The following CEP128 variants were observed in gnomAD, a reference collection of about 807,000 sequenced individuals.
CEP128 encodes centrosomal protein 128kDa.
A neutral mutation model predicts 156.7 loss-of-function variants in CEP128; 132 were observed. The observed-to-expected ratio is 0.84, with a 90% confidence interval of 0.73 to 0.97. The LOEUF is 0.97. Ranked by LOEUF, CEP128 falls within the 50% of genes least tolerant of loss-of-function variation. The pLI, the probability that CEP128 is intolerant of heterozygous loss-of-function variation, is 0.00. For missense variants in CEP128, 1,252 were observed against 1,281.9 expected (o/e 0.98, Z 0.36); for synonymous variants, 469 against 448.9 (o/e 1.04, Z -0.57).
intron 21 of CEP128, among the ~76,000 whole-genome samples, chr14:80,542,716 C>T (rs1448219820): frequency 6.6e-6 from 1 of 152,066 alleles, no homozygotes; most frequent in African/African-American, 2.4e-5. Context: ...TAATCATTTC[C>T]CTGAATCCTG....
chr14:80,806,778 T>G (rs566400826), intron 13 of CEP128, among the ~76,000 whole-genome samples: 12 of 139,068 alleles, frequency 8.6e-5, no homozygotes, highest in African/African-American at 3.2e-4. Flanking sequence ...CAGAGAAGAC[T>G]AAGAGAAATT....
At chr14:80,548,440 G>A (rs1199343436) in intron 21 of CEP128, among the ~76,000 whole-genome samples, 1 of 152,110 alleles carries the variant, frequency 6.6e-6, no homozygotes, top group Non-Finnish European at 1.5e-5. Context: ...TATTGTGAGT[G>A]TAATACGAAT....
chr14:80,707,835 CCT>C (rs1041420186), intron 19 of CEP128, among the ~76,000 whole-genome samples: 31 of 152,158 alleles, frequency 2.0e-4, no homozygotes, highest in African/African-American at 7.5e-4. Context: ...TTTTTGCAAT[CCT>C]TTTTGTCATT....
At chr14:80,686,189 A>C (rs1394501331) in intron 19 of CEP128, among the ~76,000 whole-genome samples, 1 of 152,060 alleles carries the variant, frequency 6.6e-6, no homozygotes, top group Non-Finnish European at 1.5e-5. Flanking sequence ...AGATATTTGC[A>C]AACTATGCAT....
intron 19 of CEP128, among the ~76,000 whole-genome samples, chr14:80,690,628 T>C (rs962905903): frequency 6.6e-6 from 1 of 152,186 alleles, no homozygotes; most frequent in Non-Finnish European, 1.5e-5. Flanking sequence ...TTTTCATATG[T>C]ATGAAATTTC....
chr14:80,542,039 G>T (rs972932689), intron 21 of CEP128, among the ~76,000 whole-genome samples: 1 of 152,138 alleles, frequency 6.6e-6, no homozygotes, highest in Non-Finnish European at 1.5e-5. Context: ...CTTGGCATGC[G>T]GTAAGCACTC....
At chr14:80,562,655 C>CTT (rs1170778718) in intron 20 of CEP128, among the ~76,000 whole-genome samples, 1,704 of 114,324 alleles carry the variant, frequency 0.015, 16 homozygotes, top group Non-Finnish European at 0.017. Flanking sequence ...CTTTTCTTTT[C>CTT]TTTTTTTTTT....
chr14:80,629,480 A>G (rs1893872867), intron 19 of CEP128, among the ~76,000 whole-genome samples: 1 of 152,134 alleles, frequency 6.6e-6, no homozygotes, highest in Non-Finnish European at 1.5e-5. Flanking sequence ...CTCAAATTCA[A>G]AAGTTAAAAG....
intron 13 of CEP128, 94 bp downstream of exon 13, chr14:80,831,049 T>C: frequency 8.8e-7 from 1 of 1,132,666 alleles, no homozygotes; most frequent in African/African-American, 1.5e-5. Flanking sequence ...CTGGAGTTCA[T>C]AAAATAACAC....
At chr14:80,942,573 G>A (rs182784199), upstream of CEP128, among the ~76,000 whole-genome samples, 54 of 152,224 alleles carry the variant, frequency 3.5e-4, no homozygotes, top group Non-Finnish European at 7.1e-4. Context: ...AATATTACCT[G>A]ATCTGTGAAA....
chr14:80,632,906 T>C (rs1319480723), intron 19 of CEP128, among the ~76,000 whole-genome samples: 3 of 152,130 alleles, frequency 2.0e-5, no homozygotes, highest in African/African-American at 4.8e-5. Context: ...AGGGCTATTG[T>C]TTTAGTGCTC....
rs771394994 is a variant in CEP128, at chr14:80,785,083, T to C, written c.2023A>G (p.Arg675Gly). ...ATGATTGTAGCTGTTTCTTCATCCC[T>C]GGATTTTGCCTGTGCAGTGAGGTCA... ...LSDLTAQAKSRDEETATIITQ... is the reference protein window; with the variant it reads ...LSDLTAQAKSGDEETATIITQ... The change falls in exon 15 of 25, where the codon AGG becomes GGG. Residue 675 changes from arginine to glycine, a missense_variant. Arg to Gly is a moderately radical substitution (Grantham distance 125). Coordinates refer to ENST00000555265, the MANE Select transcript of CEP128 (RefSeq NM_152446.5). The C allele has an allele frequency of 1.5e-5, 24 of 1,613,950 alleles. No homozygotes were observed. Among genetic ancestry groups the C allele is most frequent in the Non-Finnish European group, 1.4e-5 (16 of 1,179,864 alleles).
chr14:80,520,441 C>CAAAA (rs35203701), intron 23 of CEP128, among the ~76,000 whole-genome samples: 110,534 of 151,082 alleles, frequency 0.73, 42,797 homozygotes, highest in Non-Finnish European at 0.84. Flanking sequence ...AACAAACAAA[C>CAAAA]AAAAAACAAC....
At chr14:80,518,496 T>C (rs1418594077) in intron 23 of CEP128, among the ~76,000 whole-genome samples, 3 of 152,194 alleles carry the variant, frequency 2.0e-5, no homozygotes, top group African/African-American at 4.8e-5. Flanking sequence ...TGGTTAATAG[T>C]ATTGTTCAAG....
At chr14:80,751,266 CTA>C (rs1899376855) in intron 18 of CEP128, among the ~76,000 whole-genome samples, 3 of 152,128 alleles carry the variant, frequency 2.0e-5, no homozygotes, top group Non-Finnish European at 4.4e-5. Flanking sequence ...TTAAAGCTAA[CTA>C]TAGTTAGATT....
chr14:80,866,513 C>T (rs1049057819), intron 8 of CEP128, among the ~76,000 whole-genome samples: 7 of 152,162 alleles, frequency 4.6e-5, no homozygotes, highest in African/African-American at 1.4e-4. Context: ...GATACCAGCT[C>T]AGGCCATCTG....
intron 20 of CEP128, among the ~76,000 whole-genome samples, chr14:80,579,983 T>G (rs910923061): frequency 6.6e-6 from 1 of 152,228 alleles, no homozygotes; most frequent in South Asian, 2.1e-4. Context: ...AATTGGTTGG[T>G]CATTAGTAGA....
chr14:80,662,813 A>G (rs574419068), intron 19 of CEP128, among the ~76,000 whole-genome samples: 1 of 152,304 alleles, frequency 6.6e-6, no homozygotes, highest in African/African-American at 2.4e-5. Context: ...AGCACTTTAC[A>G]ATAGAACTTT....
At chr14:80,915,751 A>C (rs1360376239) in intron 3 of CEP128, among the ~76,000 whole-genome samples, 1 of 152,166 alleles carries the variant, frequency 6.6e-6, no homozygotes, top group Non-Finnish European at 1.5e-5. Context: ...AATCATTTCT[A>C]CTGGTTTCAC....
Sources: allele counts gnomAD v4.1 joint callset (sites outside exome capture counted in the v4.1 genomes callset), GRCh38; gene constraint gnomAD v4.1.1; transcripts MANE v1.5; gene names NCBI Gene and HGNC (gene_info 2026-07-23, HGNC 2026-07-21).